The following TBC1D2B variants were observed in gnomAD, a reference collection of about 807,000 sequenced individuals.
The protein encoded by TBC1D2B is TBC1 domain family, member 2B.
TBC1D2B carries 64 observed loss-of-function variants against 100.8 expected under a neutral mutation model. The ratio of observed to expected loss-of-function variants is 0.64; its 90% confidence interval spans 0.52 to 0.78. The LOEUF is 0.78. Ranked by LOEUF, TBC1D2B falls within the 30% of genes least tolerant of loss-of-function variation. The pLI is 0.00. For missense variants in TBC1D2B, 1,052 were observed against 1,218.4 expected (o/e 0.86, Z 2.03); for synonymous variants, 480 against 479.7 (o/e 1.00, Z -0.01).
At chr15:78,052,599 C>T in intron 2 of TBC1D2B, among the ~76,000 whole-genome samples, 1 of 152,202 alleles carries the variant, frequency 6.6e-6, no homozygotes, top group Admixed American at 6.5e-5. Context: ...TATAAAGAGA[C>T]TATAGGGCTA....
intron 1 of TBC1D2B, among the ~76,000 whole-genome samples, chr15:78,069,290 A>G (rs1016444383): frequency 1.3e-5 from 2 of 152,192 alleles, no homozygotes; most frequent in Non-Finnish European, 2.9e-5. Flanking sequence ...TGCTTCAGGA[A>G]AGGAAGTCCA....
At chr15:78,003,030 T>G in intron 11 of TBC1D2B, 9 of 288,202 alleles carry the variant, frequency 3.1e-5, no homozygotes, top group East Asian at 5.8e-5. Context: ...CCACCAGCCA[T>G]TTGACAGATG....
chr15:78,032,737 A>G (rs762102555), intron 3 of TBC1D2B, among the ~76,000 whole-genome samples: 2 of 152,166 alleles, frequency 1.3e-5, no homozygotes, highest in Non-Finnish European at 2.9e-5. Flanking sequence ...AACATGCTAA[A>G]TGGGAACAAG....
intron 9 of TBC1D2B, among the ~76,000 whole-genome samples, chr15:78,010,955 A>T (rs1424295095): frequency 6.6e-6 from 1 of 152,188 alleles, no homozygotes; most frequent in Non-Finnish European, 1.5e-5. Context: ...AGATAAATGG[A>T]GCATTACTGT....
At chr15:78,073,663 A>G (rs1425453095) in intron 1 of TBC1D2B, among the ~76,000 whole-genome samples, 2 of 152,134 alleles carry the variant, frequency 1.3e-5, no homozygotes, top group Admixed American at 6.5e-5. Flanking sequence ...TGTACAATGA[A>G]ATTTAATTTT....
In TBC1D2B at chr15:78,071,434, C is replaced by T. The variant is rs114364653; in HGVS notation, c.360+5859G>A. On this transcript the variant is annotated intron_variant, in intron 1 of 12. Coordinates refer to ENST00000300584, the MANE Select transcript of TBC1D2B (RefSeq NM_144572.2). The stretch of plus-strand genomic sequence containing the variant: ...ATAGTGACAGATATGGCAGAGTGCG[C>T]AAAACCTAAAATAGTATGTGGCCCT... Among the ~76,000 whole-genome samples the T allele has an allele frequency of 5.5e-3, 832 of 152,270 alleles. 9 individuals carry two copies. The highest frequency in any genetic ancestry group is 0.02 in the African/African-American group (812 of 41,554).
intron 11 of TBC1D2B, among the ~76,000 whole-genome samples, chr15:78,002,315 G>A (rs1193129534): frequency 6.6e-6 from 1 of 152,114 alleles, no homozygotes; most frequent in Non-Finnish European, 1.5e-5. Context: ...CTCCTGAGTA[G>A]CTGGGACTAC....
rs1433067973 is a variant in TBC1D2B, at chr15:78,076,632, G to C, written c.360+661C>G. ...CCAGGCGTGGTGGCCCGCACCTGTG[G>C]TCCCAGCTACTTGGGAGGCTGAGGT... is the stretch of plus-strand genomic sequence containing the variant. On this transcript the variant is annotated intron_variant, in intron 1 of 12. Coordinates refer to ENST00000300584, the MANE Select transcript of TBC1D2B (RefSeq NM_144572.2). 2.0e-5 allele frequency among the ~76,000 whole-genome samples: 3 copies of C among 152,160 alleles called. No homozygotes were observed. In the East Asian group the frequency reaches 5.8e-4, roughly 29 times the overall value.
intron 3 of TBC1D2B, among the ~76,000 whole-genome samples, chr15:78,043,545 T>A (rs987753585): frequency 6.6e-6 from 1 of 152,078 alleles, no homozygotes; most frequent in Non-Finnish European, 1.5e-5. Context: ...ACCGCAGGCA[T>A]GCATCACCAC....
intron 1 of TBC1D2B, among the ~76,000 whole-genome samples, chr15:78,069,749 T>C (rs913235458): frequency 6.6e-6 from 1 of 152,158 alleles, no homozygotes. Context: ...GATACATACA[T>C]ACATATATAC....
At chr15:78,028,970 G>A (rs2072739880) in intron 4 of TBC1D2B, among the ~76,000 whole-genome samples, 1 of 152,126 alleles carries the variant, frequency 6.6e-6, no homozygotes, top group South Asian at 2.1e-4. Flanking sequence ...CAAACTGGCT[G>A]TAAACAGACA....
intron 2 of TBC1D2B, among the ~76,000 whole-genome samples, chr15:78,053,445 A>G (rs1355839534): frequency 6.6e-6 from 1 of 152,142 alleles, no homozygotes; most frequent in Non-Finnish European, 1.5e-5. Flanking sequence ...TCCCATCTCC[A>G]CAGTCTTTGC....
chr15:78,011,470 CTTTT>C (rs201268185), intron 9 of TBC1D2B, among the ~76,000 whole-genome samples: 6 of 130,402 alleles, frequency 4.6e-5, no homozygotes, highest in African/African-American at 8.5e-5. Context: ...TTATCCATAT[CTTTT>C]TTTTTTTTTT....
intron 6 of TBC1D2B, among the ~76,000 whole-genome samples, chr15:78,022,597 T>TGTG (rs1567019273): frequency 6.6e-6 from 1 of 151,904 alleles, no homozygotes; most frequent in East Asian, 1.9e-4. Flanking sequence ...CAGGCTGGAG[T>TGTG]GTGGTGTGAG....
At chr15:78,051,350 A>T (rs997244087) in intron 2 of TBC1D2B, among the ~76,000 whole-genome samples, 1 of 152,178 alleles carries the variant, frequency 6.6e-6, no homozygotes, top group East Asian at 1.9e-4. Flanking sequence ...CTTTATAACA[A>T]CTATGAAGAG....
At chr15:78,025,812 C>T (rs1283668599) in intron 4 of TBC1D2B, among the ~76,000 whole-genome samples, 3 of 152,158 alleles carry the variant, frequency 2.0e-5, no homozygotes, top group Non-Finnish European at 4.4e-5. Context: ...AGGCGTGAGC[C>T]ACCGTGCCCG....
intron 1 of TBC1D2B, among the ~76,000 whole-genome samples, chr15:78,063,095 C>G (rs960591327): frequency 3.9e-5 from 6 of 152,326 alleles, no homozygotes; most frequent in Admixed American, 2.6e-4. Context: ...TAGGTATCAA[C>G]TATCTATATT....
In TBC1D2B at chr15:78,025,539, A is replaced by T. The variant is rs531681547; in HGVS notation, c.848-42T>A. On this transcript the variant is annotated intron_variant, in intron 4 of 12. Transcript: ENST00000300584. ...CTTGTATTTTATTATTATTATTATT[A>T]TTTTTGAGACGGAGTGTCGGTCTGT... 2.2e-5 allele frequency: 30 copies of T among 1,357,458 alleles called. No homozygotes were observed. The South Asian group carries it at 2.7e-4, about 12-fold the overall frequency. 84.1% of individuals were successfully genotyped at this position (1,357,458 alleles called of 1,614,324 possible).
At chr15:78,027,576 C>G (rs2072703268) in intron 4 of TBC1D2B, among the ~76,000 whole-genome samples, 1 of 152,190 alleles carries the variant, frequency 6.6e-6, no homozygotes, top group Non-Finnish European at 1.5e-5. Flanking sequence ...AAACTCCCCT[C>G]AAAGGGGATG....
Sources: gnomAD v4.1 joint callset for allele counts (sites outside exome capture counted in the v4.1 genomes callset) on GRCh38, gnomAD v4.1.1 for gene constraint, MANE v1.5 for transcripts, NCBI Gene and HGNC (gene_info 2026-07-23, HGNC 2026-07-21) for gene names.